Variants in NAALADL2 observed in about 807,000 individuals in gnomAD.
NAALADL2 encodes the protein inactive N-acetylated-alpha-linked acidic dipeptidase-like protein 2.
NAALADL2 carries 76 observed loss-of-function variants against 87.2 expected under a neutral mutation model. The ratio of observed to expected loss-of-function variants is 0.87; its 90% CI spans 0.72 to 1.05. NAALADL2 has a LOEUF of 1.05. Among genes scored for constraint, NAALADL2 ranks in the 50% least tolerant of loss-of-function variants. The pLI is 0.00. For missense variants in NAALADL2, 1,089 were observed against 945.8 expected, an observed-to-expected ratio of 1.15 and a Z score of -1.99; for synonymous variants, 354 against 331.0, an observed-to-expected ratio of 1.07 and a Z score of -0.75.
chr3:175,204,403 T>C (rs750354317), intron 2 of NAALADL2, among the ~76,000 whole-genome samples: 3 of 152,162 alleles, frequency 2.0e-5, no homozygotes, highest in Non-Finnish European at 4.4e-5. Flanking sequence ...CATCACTCTA[T>C]GATTAAAACT....
chr3:175,767,701 T>A (rs545757669), intron 13 of NAALADL2: 11 of 152,278 alleles, frequency 7.2e-5, no homozygotes, highest in Admixed American at 2.6e-4. Flanking sequence ...CAAGGAAGCT[T>A]GAAGTTTCCT....
intron 2 of NAALADL2, among the ~76,000 whole-genome samples, chr3:175,203,720 G>C (rs938141929): frequency 6.6e-6 from 1 of 150,976 alleles, no homozygotes; most frequent in South Asian, 2.1e-4. Flanking sequence ...GAAAAGAAGA[G>C]AGCAAATCCA....
rs560354556 is a variant in NAALADL2, at chr3:175,632,021, A to T, written c.1896+4635A>T. On this transcript the variant is annotated intron_variant, in intron 11 of 13. Coordinates refer to ENST00000454872, the MANE Select transcript of NAALADL2 (RefSeq NM_207015.3). ...AAATCATTTTAATAAATTATATCAT[A>T]TTAAAAGAGATAATAGTAATGTGGA... 1.4e-4 allele frequency among the ~76,000 whole-genome samples: 22 copies of T among 152,148 alleles called. No individual in the cohort carries two copies. In the South Asian group the frequency reaches 4.6e-3, roughly 32 times the overall value.
At chr3:175,093,330 A>C (rs1048190407) in intron 1 of NAALADL2, among the ~76,000 whole-genome samples, 15 of 150,780 alleles carry the variant, frequency 9.9e-5, no homozygotes, top group African/African-American at 3.6e-4. Flanking sequence ...GGAACCATAG[A>C]ATAATTTATG....
intron 8 of NAALADL2, among the ~76,000 whole-genome samples, chr3:175,468,247 G>A (rs1291801514): frequency 6.6e-6 from 1 of 152,044 alleles, no homozygotes; most frequent in Admixed American, 6.6e-5. Flanking sequence ...TTCACACACT[G>A]CAAATTGGAA....
chr3:175,052,042 T>A (rs1453753480), intron 1 of NAALADL2, among the ~76,000 whole-genome samples: 2 of 152,172 alleles, frequency 1.3e-5, no homozygotes, highest in African/African-American at 4.8e-5. Context: ...CCAACAGAGA[T>A]TTACCTATGT....
rs140870699 is a variant in NAALADL2, at chr3:174,635,219, C to T, written c.-115+84582C>T. 3.7e-3 allele frequency among the ~76,000 whole-genome samples: 565 copies of T among 152,180 alleles called. 7 individuals carry two copies. The highest frequency in any genetic ancestry group is 0.013 in the African/African-American group (536 of 41,514). On this transcript the variant is annotated intron_variant, in intron 2 of 3. Coordinates refer to the NAALADL2 transcript ENST00000434257. The stretch of plus-strand genomic sequence containing the variant: ...ACATCAGGTATATATTCATTGGCAT[C>T]GTATAGAAATTGGAGTGTACTGACC...
In NAALADL2 at chr3:175,442,027, C is replaced by G. The variant is rs375835717; in HGVS notation, c.1091-5202C>G. ...TGCAATCTCAGCTCACTGCAACTTC[C>G]GCCTCCCAGATTCAAGCGATTGTCC... On this transcript the variant is annotated intron_variant, in intron 5 of 13. Coordinates refer to ENST00000454872, the MANE Select transcript of NAALADL2 (RefSeq NM_207015.3). Among the ~76,000 whole-genome samples, 9 of 152,148 alleles carry G rather than the reference C, an allele frequency of 5.9e-5. No homozygotes were observed. The East Asian group carries it at 1.7e-3, about 30-fold the overall frequency.
intron 1 of NAALADL2, among the ~76,000 whole-genome samples, chr3:174,908,983 G>A (rs146038016): frequency 6.6e-6 from 1 of 150,918 alleles, no homozygotes; most frequent in African/African-American, 2.5e-5. Flanking sequence ...TAGACTTAAG[G>A]CATGTCCTTA....
chr3:174,821,518 A>G (rs1721416292), intron 3 of NAALADL2, among the ~76,000 whole-genome samples: 1 of 152,192 alleles, frequency 6.6e-6, no homozygotes, highest in Non-Finnish European at 1.5e-5. Flanking sequence ...CTCATTTTAC[A>G]AGTGATGAAA....
At chr3:174,484,123 T>G (rs909208488) in intron 1 of NAALADL2, among the ~76,000 whole-genome samples, 51 of 151,660 alleles carry the variant, frequency 3.4e-4, no homozygotes, top group Non-Finnish European at 1.6e-4. Context: ...TCGAGTGTGA[T>G]TTACATTATG....
chr3:175,350,957 A>G (rs1763693373), intron 5 of NAALADL2, among the ~76,000 whole-genome samples: 1 of 152,202 alleles, frequency 6.6e-6, no homozygotes, highest in African/African-American at 2.4e-5. Flanking sequence ...CATTAAAAAC[A>G]GAAATAGATG....
intron 2 of NAALADL2, among the ~76,000 whole-genome samples, chr3:174,691,184 T>A (rs1366101000): frequency 6.6e-6 from 1 of 152,016 alleles, no homozygotes; most frequent in Non-Finnish European, 1.5e-5. Context: ...GGCTGAGGCG[T>A]GTGGATGACC....
intron 1 of NAALADL2, among the ~76,000 whole-genome samples, chr3:174,941,934 T>A (rs1002297350): frequency 6.6e-5 from 10 of 152,114 alleles, no homozygotes; most frequent in African/African-American, 1.9e-4. Context: ...AGCATACCAC[T>A]GGGGCTTGCT....
chr3:175,444,986 G>A (rs1407321149), intron 5 of NAALADL2, among the ~76,000 whole-genome samples: 2 of 152,096 alleles, frequency 1.3e-5, no homozygotes, highest in Non-Finnish European at 2.9e-5. Context: ...ACCTCCTCCT[G>A]TAGCCTGGAT....
At chr3:175,348,763 G>T (rs1220148042) in intron 5 of NAALADL2, among the ~76,000 whole-genome samples, 1 of 152,130 alleles carries the variant, frequency 6.6e-6, no homozygotes, top group Non-Finnish European at 1.5e-5. Flanking sequence ...AATTACATCT[G>T]CAAAGACTCT....
chr3:175,350,666 G>A (rs6796898), intron 5 of NAALADL2, among the ~76,000 whole-genome samples: 52,859 of 151,802 alleles, frequency 0.35, 9,357 homozygotes, highest in East Asian at 0.45. Context: ...GAGAGGAGTG[G>A]GAAGACAAAG....
intron 5 of NAALADL2, among the ~76,000 whole-genome samples, chr3:175,391,458 C>T (rs1272591451): frequency 6.6e-6 from 1 of 152,178 alleles, no homozygotes; most frequent in Admixed American, 6.5e-5. Context: ...TTGCAAACTT[C>T]CCTTTGGAGA....
At chr3:174,566,474 AT>A (rs1333113696) in intron 2 of NAALADL2, among the ~76,000 whole-genome samples, 1 of 151,740 alleles carries the variant, frequency 6.6e-6, no homozygotes, top group Non-Finnish European at 1.5e-5. Context: ...CAGTTTTACC[AT>A]GATGTGCCTA....
Sources: allele counts gnomAD v4.1 joint callset (sites outside exome capture counted in the v4.1 genomes callset), GRCh38; gene constraint gnomAD v4.1.1; transcripts MANE v1.5; gene names NCBI Gene and HGNC (gene_info 2026-07-23, HGNC 2026-07-21).